The following DAP variants were observed in gnomAD, a reference collection of about 807,000 sequenced individuals.
DAP encodes death associated protein, also known as death-associated protein 1.
A neutral mutation model predicts 13.8 loss-of-function variants in DAP; 8 were observed. The observed-to-expected ratio is 0.58, with a 90% CI of 0.34 to 1.05. DAP has a LOEUF of 1.05. DAP is among the 50% of genes least tolerant of loss of function. The pLI, the probability that DAP is intolerant of heterozygous loss-of-function variation, is 0.03. For missense variants in DAP, 106 were observed against 133.2 expected (o/e 0.80, Z 1.01); for synonymous variants, 47 against 47.5 (o/e 0.99, Z 0.04).
intron 2 of DAP, among the ~76,000 whole-genome samples, chr5:10,712,230 T>C (rs1421297651): frequency 1.3e-5 from 2 of 152,178 alleles, no homozygotes; most frequent in Non-Finnish European, 2.9e-5. Context: ...GAACCAACCC[T>C]GCTGACACCT....
At position 10,732,751 on chromosome 5, in the gene DAP, T is replaced by C. The variant is rs538788843; in HGVS notation, c.152+15424A>G. Among the ~76,000 whole-genome samples, 4 of 152,334 alleles carry C rather than the reference T, an allele frequency of 2.6e-5. No homozygotes were observed. In the East Asian group the frequency reaches 7.7e-4, roughly 29 times the overall value. ...CTTTTTGAGGGTCCATCAAACTGCT[T>C]ACCACAGCAGCAAGGGCCTTGTTTT... On this transcript the variant is annotated intron_variant, in intron 2 of 3. Transcript: ENST00000230895.
chr5:10,693,509 C>T (rs1012186849), intron 2 of DAP, among the ~76,000 whole-genome samples: 1 of 152,172 alleles, frequency 6.6e-6, no homozygotes, highest in Admixed American at 6.5e-5. Flanking sequence ...GTTAGGCGCT[C>T]CCCTTAGAAG....
At chr5:10,682,803 T>C (rs929202218) in intron 3 of DAP, among the ~76,000 whole-genome samples, 2 of 152,244 alleles carry the variant, frequency 1.3e-5, no homozygotes, top group African/African-American at 4.8e-5. Context: ...CAGAACTGAC[T>C]TGGATGCTGC....
In DAP at chr5:10,695,479, T is replaced by G. The variant is rs115888349; in HGVS notation, c.153-11908A>C. On this transcript the variant is annotated intron_variant, in intron 2 of 3. Transcript: ENST00000230895. The stretch of plus-strand genomic sequence containing the variant: ...TCTGGAACCTAATTCCTTCTAAATT[T>G]GGCATAAGAAATTTATAACATTTTT... Among the ~76,000 whole-genome samples the G allele has an allele frequency of 9.8e-4, 149 of 152,344 alleles. 1 individual carries two copies. Among genetic ancestry groups the G allele is most frequent in the African/African-American group, 3.4e-3 (142 of 41,578 alleles).
At chr5:10,746,505 T>G (rs1242039127) in intron 2 of DAP, among the ~76,000 whole-genome samples, 1 of 151,946 alleles carries the variant, frequency 6.6e-6, no homozygotes, top group Non-Finnish European at 1.5e-5. Context: ...GATTTTTGTG[T>G]TTTTAGTAGA....
chr5:10,687,714 C>A (rs1738190057), intron 2 of DAP, among the ~76,000 whole-genome samples: 1 of 152,128 alleles, frequency 6.6e-6, no homozygotes, highest in Admixed American at 6.5e-5. Flanking sequence ...AAAATAACAA[C>A]AAAGGATATA....
At chr5:10,719,102 G>A (rs953437904) in intron 2 of DAP, among the ~76,000 whole-genome samples, 2 of 152,228 alleles carry the variant, frequency 1.3e-5, no homozygotes, top group African/African-American at 4.8e-5. Flanking sequence ...GTGGTGTACA[G>A]CCTGTCAAGA....
chr5:10,751,068 C>T (rs957365879), intron 1 of DAP, among the ~76,000 whole-genome samples: 7 of 152,168 alleles, frequency 4.6e-5, no homozygotes, highest in Admixed American at 2.0e-4. Flanking sequence ...GCTTCCTGGC[C>T]CTCCTAGGGC....
intron 2 of DAP, among the ~76,000 whole-genome samples, chr5:10,708,323 G>GACACACACATAT (rs1738751373): frequency 6.6e-6 from 1 of 151,168 alleles, no homozygotes; most frequent in Admixed American, 6.6e-5. Context: ...CACAGACACA[G>GACACACACATAT]ACACACACAT....
intron 2 of DAP, among the ~76,000 whole-genome samples, chr5:10,740,693 A>T (rs947985886): frequency 6.6e-6 from 1 of 152,254 alleles, no homozygotes; most frequent in Admixed American, 6.5e-5. Flanking sequence ...TAGTGAAAAC[A>T]TCTTTCAAAA....
chr5:10,690,266 T>G (rs923365608), intron 2 of DAP, among the ~76,000 whole-genome samples: 11 of 151,988 alleles, frequency 7.2e-5, no homozygotes, highest in African/African-American at 2.7e-4. Flanking sequence ...CAGTCCAAGC[T>G]CTCCCTCCCT....
intron 1 of DAP, 146 bp downstream of exon 1, chr5:10,760,868 G>A: frequency 2.6e-6 from 1 of 391,700 alleles, no homozygotes; most frequent in African/African-American, 2.2e-5. Context: ...ACCTCTCCGC[G>A]GCCCGCGCCC....
At position 10,683,529 on chromosome 5, in the gene DAP, C is replaced by G. The variant is rs768735073; in HGVS notation, c.195G>C (p.Arg65=). 10 of 1,613,808 alleles carry G rather than the reference C, an allele frequency of 6.2e-6. No individual in the cohort carries two copies. Among genetic ancestry groups the G allele is most frequent in the Non-Finnish European group, 7.6e-6 (9 of 1,179,962 alleles). Residue 65 remains arginine, a splice_region_variant and synonymous_variant, in exon 3 of 4, where the codon CGG becomes CGC. Transcript: ENST00000230895. ...CCACCGCAGACACTCCCAGACTTAC[C>G]CGGGCGATGACCCCAGAGATGAACA... ...PTVFISGVIA[R]GDKDFPPAAA...
chr5:10,713,646 C>T (rs1561018295), intron 2 of DAP, among the ~76,000 whole-genome samples: 1 of 152,226 alleles, frequency 6.6e-6, no homozygotes, highest in Non-Finnish European at 1.5e-5. Flanking sequence ...AAGTCTCCTG[C>T]CCCAAGCCCT....
At chr5:10,684,297 C>T (rs955798485) in intron 2 of DAP, among the ~76,000 whole-genome samples, 16 of 152,186 alleles carry the variant, frequency 1.1e-4, no homozygotes, top group African/African-American at 3.1e-4. Flanking sequence ...CCCCTTCCAG[C>T]GTCCTCACAG....
Position 10,679,265 on chromosome 5 carries a change from T to C in DAP, c.*1791A>G, listed in dbSNP as rs1737919870. 1 of 152,516 alleles carries C rather than the reference T, an allele frequency of 6.6e-6. No homozygotes were observed. Among genetic ancestry groups the C allele is most frequent in the Admixed American group, 6.5e-5 (1 of 15,312 alleles). The allele number at this position is 152,516 out of a possible 1,614,324, so 9.4% of individuals were successfully genotyped here. Reference sequence around the variant, plus strand: ...TGCAGGAGCTTTATTATAAATCATTTAATATTCTTGAAGTTAACAACTGAT... The same window carrying C: ...TGCAGGAGCTTTATTATAAATCATTCAATATTCTTGAAGTTAACAACTGAT... On this transcript the variant is annotated 3_prime_UTR_variant, in exon 4 of 4. Transcript: ENST00000230895.
chr5:10,705,426 G>A (rs538011778), intron 2 of DAP, among the ~76,000 whole-genome samples: 2 of 152,370 alleles, frequency 1.3e-5, no homozygotes, highest in South Asian at 4.1e-4. Flanking sequence ...ACTGGGTCAC[G>A]TGCTGTTTGG....
intron 2 of DAP, among the ~76,000 whole-genome samples, chr5:10,719,804 G>A (rs1180873335): frequency 2.6e-5 from 4 of 152,308 alleles, no homozygotes; most frequent in African/African-American, 9.6e-5. Context: ...TGCACTGATG[G>A]CCTCATGAGG....
At chr5:10,701,409 T>G (rs568354291) in intron 2 of DAP, among the ~76,000 whole-genome samples, 1 of 152,244 alleles carries the variant, frequency 6.6e-6, no homozygotes, top group East Asian at 1.9e-4. Flanking sequence ...AGGAACCAAT[T>G]TGAATATTTT....
Sources: gnomAD v4.1 joint callset for allele counts (sites outside exome capture counted in the v4.1 genomes callset) on GRCh38, gnomAD v4.1.1 for gene constraint, MANE v1.5 for transcripts, NCBI Gene and HGNC (gene_info 2026-07-23, HGNC 2026-07-21) for gene names.